PAX5: variants seen among roughly 807,000 people sequenced by gnomAD.
PAX5 encodes paired box protein Pax-5.
PAX5 carries 9 observed loss-of-function variants against 43.7 expected under a neutral mutation model. That is an observed-to-expected ratio of 0.21 (90% CI 0.12 to 0.36). PAX5 has a LOEUF of 0.36. PAX5 is among the 10% of genes least tolerant of loss of function. The probability of loss-of-function intolerance (pLI) is 1.00; values close to 1 mark genes in which losing one functional copy is unlikely to be tolerated. For synonymous variants in PAX5, 228 were observed against 214.3 expected (o/e 1.06, Z -0.56); for missense variants, 383 against 532.7 (o/e 0.72, Z 2.77).
At chr9:36,867,306 C>G (rs918919910) in intron 8 of PAX5, among the ~76,000 whole-genome samples, 1 of 152,180 alleles carries the variant, frequency 6.6e-6, no homozygotes, top group African/African-American at 2.4e-5. Flanking sequence ...TAGACCTGCT[C>G]GTGCCACACC....
chr9:36,891,125 C>T (rs778653059), intron 7 of PAX5, among the ~76,000 whole-genome samples: 6 of 152,078 alleles, frequency 3.9e-5, no homozygotes, highest in Non-Finnish European at 7.3e-5. Context: ...GGCGACAGAG[C>T]GCAACTTCAT....
chr9:36,964,540 T>C (rs1474578004), intron 6 of PAX5, among the ~76,000 whole-genome samples: 1 of 142,464 alleles, frequency 7.0e-6, no homozygotes, highest in Non-Finnish European at 1.5e-5. Flanking sequence ...TGCAGTGAGC[T>C]AGGATCACAC....
chr9:36,934,868 G>C (rs1482658465), intron 6 of PAX5, among the ~76,000 whole-genome samples: 1 of 152,224 alleles, frequency 6.6e-6, no homozygotes, highest in Non-Finnish European at 1.5e-5. Flanking sequence ...CCAGTGCCCA[G>C]CTCTGAACAG....
At chr9:36,933,050 G>A (rs1274440616) in intron 6 of PAX5, among the ~76,000 whole-genome samples, 1 of 151,512 alleles carries the variant, frequency 6.6e-6, no homozygotes, top group Non-Finnish European at 1.5e-5. Flanking sequence ...AGGCTGAAGT[G>A]GGAGAATTGC....
chr9:37,027,421 G>T (rs978162599), intron 1 of PAX5, among the ~76,000 whole-genome samples: 2 of 152,204 alleles, frequency 1.3e-5, no homozygotes, highest in Admixed American at 6.5e-5. Flanking sequence ...AACTCTTCGA[G>T]CCCCGCCGCC....
intron 5 of PAX5, among the ~76,000 whole-genome samples, chr9:36,985,853 A>C (rs916011423): frequency 6.6e-6 from 1 of 152,224 alleles, no homozygotes; most frequent in Non-Finnish European, 1.5e-5. Context: ...CAAGAGACAA[A>C]AAAGTTTATG....
At chr9:36,946,700 C>A (rs1832547865) in intron 6 of PAX5, among the ~76,000 whole-genome samples, 1 of 152,202 alleles carries the variant, frequency 6.6e-6, no homozygotes, top group South Asian at 2.1e-4. Context: ...AGGTTACGGT[C>A]ACCAGGACAC....
intron 5 of PAX5, among the ~76,000 whole-genome samples, chr9:36,980,822 T>C (rs1415816628): frequency 1.3e-5 from 2 of 151,864 alleles, no homozygotes; most frequent in Non-Finnish European, 2.9e-5. Context: ...GGGGAGAAAA[T>C]GCACCTCTGA....
At chr9:36,866,250 C>G (rs961606027) in intron 8 of PAX5, among the ~76,000 whole-genome samples, 1 of 152,200 alleles carries the variant, frequency 6.6e-6, no homozygotes. Context: ...GGGTCGTGGT[C>G]AGATTTTTCT....
chr9:36,866,163 G>A (rs931274003), intron 8 of PAX5, among the ~76,000 whole-genome samples: 5 of 152,220 alleles, frequency 3.3e-5, no homozygotes, highest in South Asian at 4.1e-4. Context: ...CTGAAGAAGC[G>A]CGGGCGGGCC....
At chr9:37,033,856 C>T (rs1841258481) in intron 1 of PAX5, 130 bp downstream of exon 1, 2 of 720,184 alleles carry the variant, frequency 2.8e-6, no homozygotes, top group Admixed American at 4.8e-5. Context: ...ACATAACAAA[C>T]ACGCCGCAGT....
intron 1 of PAX5, among the ~76,000 whole-genome samples, chr9:37,029,393 C>T (rs1013737084): frequency 6.6e-6 from 1 of 152,216 alleles, no homozygotes; most frequent in Non-Finnish European, 1.5e-5. Context: ...CCCCACCCCC[C>T]ACCAGGGCAC....
intron 8 of PAX5, 117 bp downstream of exon 8, chr9:36,881,887 T>G: frequency 2.5e-6 from 2 of 786,468 alleles, no homozygotes; most frequent in Non-Finnish European, 4.3e-6. Flanking sequence ...TCTGCCTGAT[T>G]TATTCAGGTC....
chr9:36,851,024 A>G (rs1433731827), intron 8 of PAX5, among the ~76,000 whole-genome samples: 1 of 152,184 alleles, frequency 6.6e-6, no homozygotes, highest in African/African-American at 2.4e-5. Context: ...GGCGGGGCTG[A>G]AAGCACGCTC....
At chr9:36,899,304 C>T (rs897608473) in intron 7 of PAX5, among the ~76,000 whole-genome samples, 2 of 152,236 alleles carry the variant, frequency 1.3e-5, no homozygotes, top group Admixed American at 1.3e-4. Context: ...CAGCACATGT[C>T]AGACTGCTGG....
At chr9:37,029,139 G>A (rs1254926283) in intron 1 of PAX5, among the ~76,000 whole-genome samples, 2 of 152,182 alleles carry the variant, frequency 1.3e-5, no homozygotes, top group Non-Finnish European at 2.9e-5. Flanking sequence ...CACAAAACAA[G>A]GGCTTTGAGA....
rs552662027 is a variant in PAX5 at position 36,916,562 on chromosome 9, T to G, written c.910+6793A>C. 2.6e-5 allele frequency among the ~76,000 whole-genome samples: 4 copies of G among 152,278 alleles called. No individual in the cohort carries two copies. In the South Asian group the frequency reaches 8.3e-4, roughly 32 times the overall value. On this transcript the variant is annotated intron_variant, in intron 7 of 9. Transcript: ENST00000358127. ...TGATATTTAGTTTTTTATCCAAGAA[T>G]AAACTACATCTCTTCATTTATTCTA...
chr9:36,871,445 C>A (rs999142011), intron 8 of PAX5, among the ~76,000 whole-genome samples: 3 of 152,204 alleles, frequency 2.0e-5, no homozygotes, highest in Non-Finnish European at 2.9e-5. Context: ...CCTCTCAGGG[C>A]TGGGAGAACC....
At chr9:36,923,006 C>A (rs367600420) in intron 7 of PAX5, 1 of 230,526 alleles carries the variant, frequency 4.3e-6, no homozygotes. Flanking sequence ...TTGGTGCCCA[C>A]CAGGGTGGCC....
Sources: allele counts gnomAD v4.1 joint callset (sites outside exome capture counted in the v4.1 genomes callset), GRCh38; gene constraint gnomAD v4.1.1; transcripts MANE v1.5; gene names NCBI Gene and HGNC (gene_info 2026-07-23, HGNC 2026-07-21).